The following AK3 variants were observed in gnomAD, a reference collection of about 807,000 sequenced individuals.
AK3 encodes the protein GTP:AMP phosphotransferase AK3, mitochondrial.
AK3 carries 27 observed loss-of-function variants against 23.7 expected under a neutral mutation model. That is an observed-to-expected ratio of 1.14 (90% CI 0.84 to 1.57). The LOEUF (loss-of-function observed/expected upper bound fraction) is 1.57. Among genes scored for constraint, AK3 ranks in the 40% most tolerant of loss-of-function variants. AK3 has a pLI of 0.00. For synonymous variants in AK3, 159 were observed against 116.0 expected (o/e 1.37, Z -2.38); for missense variants, 406 against 285.6 (o/e 1.42, Z -3.04).
intron 1 of AK3, among the ~76,000 whole-genome samples, chr9:4,728,586 T>C (rs1482761224): frequency 6.6e-6 from 1 of 151,912 alleles, no homozygotes; most frequent in Non-Finnish European, 1.5e-5. Context: ...AAAAAATAAA[T>C]AAAAACAAGT....
intron 1 of AK3, among the ~76,000 whole-genome samples, chr9:4,730,829 T>C (rs555101207): frequency 6.6e-6 from 1 of 152,328 alleles, no homozygotes; most frequent in Admixed American, 6.5e-5. Context: ...TCTTTTGTTT[T>C]ATGTGTTAAA....
At position 4,713,099 on chromosome 9, in the gene AK3, A is replaced by T; in HGVS notation, c.564-3T>A. 6.2e-7 allele frequency: 1 copy of T among 1,613,156 alleles called. No individual in the cohort carries two copies. The highest frequency in any genetic ancestry group is 1.1e-5 in the South Asian group (1 of 91,024). ...ATGTTTCCAGCACCCCTTTTTTCCT[A>T]AAGATGAAACAAAAACAAAACAAAC... On this transcript the variant is annotated splice_polypyrimidine_tract_variant and splice_region_variant and intron_variant, in intron 4 of 4. Transcript: ENST00000381809.
At chr9:4,735,977 T>C (rs1842283316) in intron 1 of AK3, among the ~76,000 whole-genome samples, 1 of 151,650 alleles carries the variant, frequency 6.6e-6, no homozygotes, top group South Asian at 2.1e-4. Flanking sequence ...TAGCTGGGCA[T>C]GGTGGCTCAC....
intron 1 of AK3, among the ~76,000 whole-genome samples, chr9:4,736,802 CAG>C (rs1842304550): frequency 6.6e-6 from 1 of 152,114 alleles, no homozygotes; most frequent in Non-Finnish European, 1.5e-5. Flanking sequence ...CTCAGCCTCT[CAG>C]AGAGCTGAGA....
intron 1 of AK3, among the ~76,000 whole-genome samples, chr9:4,739,051 G>C (rs937267825): frequency 1.3e-5 from 2 of 152,032 alleles, no homozygotes. Flanking sequence ...GGGATTACAA[G>C]CATGAGCCAT....
intron 2 of AK3, among the ~76,000 whole-genome samples, chr9:4,720,418 T>C (rs1841863989): frequency 6.6e-6 from 1 of 152,204 alleles, no homozygotes; most frequent in Non-Finnish European, 1.5e-5. Context: ...ACATGGTGGC[T>C]CACACCTGTA....
intron 1 of AK3, among the ~76,000 whole-genome samples, chr9:4,723,095 T>G (rs1458402927): frequency 6.7e-6 from 1 of 149,652 alleles, no homozygotes; most frequent in Non-Finnish European, 1.5e-5. Context: ...AAACAAAGGT[T>G]ACAAAATAAT....
At chr9:4,731,265 C>G (rs1378298425) in intron 1 of AK3, among the ~76,000 whole-genome samples, 2 of 152,086 alleles carry the variant, frequency 1.3e-5, no homozygotes, top group Non-Finnish European at 1.5e-5. Context: ...TCCTCTCCCT[C>G]CTCCCCACCT....
chr9:4,718,603 T>C, intron 3 of AK3, 66 bp from the exon 4 acceptor site: 1 of 1,272,660 alleles, frequency 7.9e-7, no homozygotes, highest in Non-Finnish European at 1.1e-6. Flanking sequence ...CATAAGCAGT[T>C]CAATTATTTT....
intron 2 of AK3, among the ~76,000 whole-genome samples, chr9:4,722,143 A>G (rs1841914551): frequency 6.6e-6 from 1 of 152,250 alleles, no homozygotes. Context: ...AAAACTAAAA[A>G]TCAACCTACC....
intron 2 of AK3, among the ~76,000 whole-genome samples, chr9:4,719,538 G>A (rs1191557356): frequency 6.6e-6 from 1 of 152,068 alleles, no homozygotes; most frequent in Non-Finnish European, 1.5e-5. Flanking sequence ...ATTATGCTGG[G>A]TATATCTGTC....
In AK3 at chr9:4,736,225, A is replaced by G. The variant is rs374861169; in HGVS notation, c.151+4712T>C. On this transcript the variant is annotated intron_variant, in intron 1 of 4. Transcript: ENST00000381809. ...AATGGATACATTATATGGTATGTTA[A>G]TTATATCTCAATAAAGCTATTAGAA... 4.6e-5 allele frequency among the ~76,000 whole-genome samples: 7 copies of G among 152,248 alleles called. No homozygotes were observed. The East Asian group carries it at 9.6e-4, about 21-fold the overall frequency.
intron 1 of AK3, among the ~76,000 whole-genome samples, chr9:4,737,935 C>G (rs775146723): frequency 1.3e-5 from 2 of 152,044 alleles, no homozygotes; most frequent in Non-Finnish European, 2.9e-5. Context: ...ATATAGCACC[C>G]TCATGAAACA....
chr9:4,739,189 A>T (rs1038381412), intron 1 of AK3, among the ~76,000 whole-genome samples: 1 of 151,834 alleles, frequency 6.6e-6, no homozygotes, highest in African/African-American at 2.4e-5. Flanking sequence ...CAAGTCAAAC[A>T]ATCTCTGTTC....
rs540263976 is a variant in AK3 at position 4,740,810 on chromosome 9, G to A, written c.151+127C>T. The A allele has an allele frequency of 2.4e-5, 29 of 1,204,410 alleles. No individual in the cohort carries two copies. In the Admixed American group the frequency reaches 4.4e-4, roughly 18 times the overall value. The allele number at this position is 1,204,410 out of a possible 1,614,324, so 74.6% of individuals were successfully genotyped here. A position where few individuals can be genotyped will look rare whatever the true frequency, so the allele number is the denominator to read the frequency against. On this transcript the variant is annotated intron_variant, in intron 1 of 4. Transcript: ENST00000381809. ...AGTCGCTCAGCAGCCCGAGGTCTCTGTCCCGGGCGGCGGGAGGGAAATGCC... is the reference window on the plus strand; with the variant it reads ...AGTCGCTCAGCAGCCCGAGGTCTCTATCCCGGGCGGCGGGAGGGAAATGCC...
At chr9:4,718,598 G>A (rs949275443) in intron 3 of AK3, 61 bp from the exon 4 acceptor site, 1 of 1,300,474 alleles carries the variant, frequency 7.7e-7, no homozygotes, top group Admixed American at 1.8e-5. Flanking sequence ...ATTTTCATAA[G>A]CAGTTCAATT....
In AK3 at chr9:4,741,080, GC is replaced by G; in HGVS notation, c.7del (p.Ala3ArgfsTer9). The stretch of plus-strand genomic sequence containing the variant: ...CACCGCTCGCAGCAGCCGCGCGGAC[GC>G]CCCCATGGCCGCAGACTGAGGCCCG... The part of the protein sequence containing the change: MG[A>X]SARLLRAVIM... On this transcript the variant is annotated frameshift_variant, in exon 1 of 5. Transcript: ENST00000381809. LOFTEE classifies it high-confidence loss of function. 1.3e-6 allele frequency: 2 copies of G among 1,539,002 alleles called. No homozygotes were observed. The highest frequency in any genetic ancestry group is 2.0e-5 in the Admixed American group (1 of 49,294).
chr9:4,716,311 C>G (rs1485094958), intron 4 of AK3, among the ~76,000 whole-genome samples: 1 of 152,152 alleles, frequency 6.6e-6, no homozygotes, highest in Non-Finnish European at 1.5e-5. Context: ...TCTAATTGTC[C>G]ATGTGGACCA....
At chr9:4,731,020 G>A (rs1842140823) in intron 1 of AK3, among the ~76,000 whole-genome samples, 1 of 152,188 alleles carries the variant, frequency 6.6e-6, no homozygotes, top group South Asian at 2.1e-4. Flanking sequence ...TACTTGGCTG[G>A]AAGGATGGTC....
Sources: allele counts gnomAD v4.1 joint callset (sites outside exome capture counted in the v4.1 genomes callset), GRCh38; gene constraint gnomAD v4.1.1; transcripts MANE v1.5; gene names NCBI Gene and HGNC (gene_info 2026-07-23, HGNC 2026-07-21).